The following ZNF843 variants were observed in gnomAD, a reference collection of about 807,000 sequenced individuals.
ZNF843 encodes the protein zinc finger protein 843.
For missense variants in ZNF843, 482 were observed against 469.4 expected, an observed-to-expected ratio of 1.03 and a Z score of -0.25; for synonymous variants, 185 against 207.7, an observed-to-expected ratio of 0.89 and a Z score of 0.94.
At position 31,436,619 on chromosome 16, in the gene ZNF843, AG is replaced by A; in HGVS notation, c.230del (p.Pro77LeufsTer338). 1.3e-6 allele frequency: 2 copies of A among 1,551,508 alleles called. No individual in the cohort carries two copies. The highest frequency in any genetic ancestry group is 1.7e-6 in the Non-Finnish European group (2 of 1,146,916). Reference sequence around the variant, plus strand: ...CGAGTGGACTCGCTGGTGCTTGATGAGGTTGGAGCGGCCACAGCAGGTCTTG... The same window carrying A: ...CGAGTGGACTCGCTGGTGCTTGATGAGTTGGAGCGGCCACAGCAGGTCTTG... ...VRQDLLWPLQ[P>X]HQAPASPLGR... On this transcript the variant is annotated frameshift_variant, in exon 2 of 2. Transcript: ENST00000315678. LOFTEE classifies it low-confidence loss of function (END_TRUNC).
chr16:31,436,559 C>T lies in ZNF843; in HGVS notation c.291G>A (p.Gly97=). The change falls in exon 2 of 2, where the codon GGG becomes GGA. Residue 97 remains glycine, a synonymous_variant. Transcript: ENST00000315678. The part of the protein sequence containing the change: ...RSHSSAGVRQ[G]FSGQLCCWLT... ...GCCAGCAGCAGAGCTGGCCGCTAAA[C>T]CCTTGCCGCACTCCCGCAGACGAAT... 3.2e-6 allele frequency: 5 copies of T among 1,550,418 alleles called. No homozygotes were observed. The South Asian group carries it at 4.8e-5, about 15-fold the overall frequency.
In ZNF843 at chr16:31,436,419, G is replaced by A; in HGVS notation, c.431C>T (p.Pro144Leu). The change falls in exon 2 of 2, where the codon CCC becomes CTC. Residue 144 changes from proline (P) to leucine (L), a missense_variant. Pro to Leu is a moderately conservative substitution (Grantham distance 98, BLOSUM62 -3). Transcript: ENST00000315678. ...PPANSHRRVC[P>L]FCCCSCGDSV... ...GTCACCGCAGCTGCAGCAGCAGAAG[G>A]GACACACTCTCCTGTGTGAATTCGC... is the stretch of plus-strand genomic sequence containing the variant. 6.4e-7 allele frequency: 1 copy of A among 1,551,520 alleles called. No homozygotes were observed. Among genetic ancestry groups the A allele is most frequent in the Non-Finnish European group, 8.7e-7 (1 of 1,146,884 alleles).
chr16:31,441,103 A>G (rs1171940301), intron 1 of ZNF843, among the ~76,000 whole-genome samples: 1 of 152,208 alleles, frequency 6.6e-6, no homozygotes, highest in African/African-American at 2.4e-5. Flanking sequence ...GCTGTCAAGC[A>G]TGCTTGTTAC....
In ZNF843 at chr16:31,436,889, A is replaced by G; in HGVS notation, c.-40T>C. On this transcript the variant is annotated 5_prime_UTR_variant, in exon 2 of 2. Coordinates refer to ENST00000315678, the MANE Select transcript of ZNF843 (RefSeq NM_001136509.3). ...AGATGACCGCTCAGGGAGTAACTGTACGGGAGGCTTTGCCGCACTTGGCGC... is the reference window on the plus strand; with the variant it reads ...AGATGACCGCTCAGGGAGTAACTGTGCGGGAGGCTTTGCCGCACTTGGCGC... The G allele has an allele frequency of 6.8e-7, 1 of 1,463,786 alleles. No individual in the cohort carries two copies. The highest frequency in any genetic ancestry group is 9.1e-7 in the Non-Finnish European group (1 of 1,101,216). 90.7% of individuals were successfully genotyped at this position (1,463,786 alleles called of 1,614,324 possible). A position where few individuals can be genotyped will look rare whatever the true frequency, so the allele number is the denominator to read the frequency against.
At position 31,435,798 on chromosome 16, in the gene ZNF843, G is replaced by A. The variant is rs1413982850; in HGVS notation, c.*5C>T. ...TTCCACCCAGGGCTGCAGCACGCTG[G>A]TTCTTCAGTGTCGGGCCAGGTTGGA... On this transcript the variant is annotated 3_prime_UTR_variant, in exon 2 of 2. Coordinates refer to ENST00000315678, the MANE Select transcript of ZNF843 (RefSeq NM_001136509.3). The A allele has an allele frequency of 1.9e-5, 28 of 1,449,250 alleles. No individual in the cohort carries two copies. Among genetic ancestry groups the A allele is most frequent in the Non-Finnish European group, 2.5e-5 (27 of 1,097,440 alleles). The allele number at this position is 1,449,250 out of a possible 1,614,324, so 89.8% of individuals were successfully genotyped here.
chr16:31,435,672 T>G lies in ZNF843; in HGVS notation c.*131A>C. ...AAACAAACAAAATAGCCCCCAGCACTTCTGAGAAAGATCTGCCATACAGAA... is the reference window on the plus strand; with the variant it reads ...AAACAAACAAAATAGCCCCCAGCACGTCTGAGAAAGATCTGCCATACAGAA... On this transcript the variant is annotated 3_prime_UTR_variant, in exon 2 of 2. Coordinates refer to ENST00000315678, the MANE Select transcript of ZNF843 (RefSeq NM_001136509.3). The G allele has an allele frequency of 1.2e-6, 1 of 866,106 alleles. No individual in the cohort carries two copies. Among genetic ancestry groups the G allele is most frequent in the Non-Finnish European group, 1.7e-6 (1 of 604,552 alleles). 53.7% of individuals were successfully genotyped at this position (866,106 alleles called of 1,614,324 possible).
rs1597180345 is a variant in ZNF843, at chr16:31,436,800, G to A, written c.50C>T (p.Ala17Val). 6.4e-7 allele frequency: 1 copy of A among 1,551,402 alleles called. No individual in the cohort carries two copies. The highest frequency in any genetic ancestry group is 8.7e-7 in the Non-Finnish European group (1 of 1,146,820). Residue 17 changes from alanine (A) to valine (V), a missense_variant, in exon 2 of 2, where the codon GCT becomes GTT. By Grantham distance (64) the Ala-to-Val change is moderately conservative. Transcript: ENST00000315678. ...ALTVESVSAR[A>V]PTCCSTGRFT... is the part of the protein sequence containing the mutation. ...TCTGCCGGTGCTGCAGCAGGTAGGA[G>A]CTCTGGCTGAAACGCTTTCCACAGT...
In ZNF843 at chr16:31,436,558, A is replaced by G. The variant is rs1463817819; in HGVS notation, c.292T>C (p.Phe98Leu). The G allele has an allele frequency of 5.2e-6, 8 of 1,550,164 alleles. No individual in the cohort carries two copies. The highest frequency in any genetic ancestry group is 7.0e-6 in the Non-Finnish European group (8 of 1,146,054). Reference protein sequence around the residue: ...SHSSAGVRQGFSGQLCCWLTK... With the variant: ...SHSSAGVRQGLSGQLCCWLTK... Reference sequence around the variant, plus strand: ...AGCCAGCAGCAGAGCTGGCCGCTAAACCCTTGCCGCACTCCCGCAGACGAA... The same window carrying G: ...AGCCAGCAGCAGAGCTGGCCGCTAAGCCCTTGCCGCACTCCCGCAGACGAA... The change falls in exon 2 of 2, where the codon TTT becomes CTT. Residue 98 changes from phenylalanine (F) to leucine (L), a missense_variant. By Grantham distance (22) the Phe-to-Leu change is conservative. Coordinates refer to ENST00000315678, the MANE Select transcript of ZNF843 (RefSeq NM_001136509.3).
intron 1 of ZNF843, among the ~76,000 whole-genome samples, chr16:31,441,063 C>T (rs983040472): frequency 6.6e-6 from 1 of 152,210 alleles, no homozygotes; most frequent in African/African-American, 2.4e-5. Flanking sequence ...TTTGATTCCC[C>T]TCTCTTCCAA....
At chr16:31,440,243 C>A (rs547551075) in intron 1 of ZNF843, among the ~76,000 whole-genome samples, 1 of 152,332 alleles carries the variant, frequency 6.6e-6, no homozygotes, top group African/African-American at 2.4e-5. Flanking sequence ...CAATACTTCT[C>A]ATTAGGACAA....
At chr16:31,438,533 C>T (rs907378155) in intron 1 of ZNF843, among the ~76,000 whole-genome samples, 3 of 151,988 alleles carry the variant, frequency 2.0e-5, no homozygotes, top group Non-Finnish European at 4.4e-5. Context: ...ATGCTTCTGG[C>T]CACTCTGAGC....
Position 31,435,854 on chromosome 16 carries a change from CA to C in ZNF843, c.995del (p.Val332GlyfsTer83). 6.7e-7 allele frequency: 1 copy of C among 1,494,946 alleles called. No homozygotes were observed. Among genetic ancestry groups the C allele is most frequent in the Non-Finnish European group, 8.9e-7 (1 of 1,119,096 alleles). The allele number at this position is 1,494,946 out of a possible 1,614,324, so 92.6% of individuals were successfully genotyped here. ...SNPHWRGALP[V>X]FPVWKASSRR... ...GGCTGGAGGCCTTCCACACCGGAAA[CA>C]CTGGTAGGGCTCCTCTCCAGTGTGG... On this transcript the variant is annotated frameshift_variant, in exon 2 of 2. Coordinates refer to ENST00000315678, the MANE Select transcript of ZNF843 (RefSeq NM_001136509.3). LOFTEE classifies it low-confidence loss of function (END_TRUNC).
rs2082180417 is a variant in ZNF843, at chr16:31,436,280, CG to C, written c.569del (p.Pro190ArgfsTer225). On this transcript the variant is annotated frameshift_variant, in exon 2 of 2. Coordinates refer to ENST00000315678, the MANE Select transcript of ZNF843 (RefSeq NM_001136509.3). LOFTEE classifies it low-confidence loss of function (END_TRUNC). ...AGGGCCGGAGCCCAGAGGTGCTGTC[CG>C]GGGCGACTGAGCTGGGTGCGAGGCT... ...SVSLAPSSVA[P>X]DSTSGLRPCG... 6.5e-7 allele frequency: 1 copy of C among 1,548,870 alleles called. No homozygotes were observed. Among genetic ancestry groups the C allele is most frequent in the Non-Finnish European group, 8.7e-7 (1 of 1,145,580 alleles).
At chr16:31,440,686 A>G (rs545692149) in intron 1 of ZNF843, among the ~76,000 whole-genome samples, 249 of 152,276 alleles carry the variant, frequency 1.6e-3, no homozygotes, top group African/African-American at 5.7e-3. Flanking sequence ...GCTGCCCCAT[A>G]TAAGAAAGGG....
rs2082176423 is a variant in ZNF843, at chr16:31,435,779, C to T, written c.*24G>A. Reference sequence around the variant, plus strand: ...CCACCGGCGGCTGCAACAATTCCACCCAGGGCTGCAGCACGCTGGTTCTTC... The same window carrying T: ...CCACCGGCGGCTGCAACAATTCCACTCAGGGCTGCAGCACGCTGGTTCTTC... On this transcript the variant is annotated 3_prime_UTR_variant, in exon 2 of 2. Transcript: ENST00000315678. 1 of 1,443,014 alleles carries T rather than the reference C, an allele frequency of 6.9e-7. No homozygotes were observed. The highest frequency in any genetic ancestry group is 1.5e-5 in the South Asian group (1 of 67,348). The allele number at this position is 1,443,014 out of a possible 1,614,324, so 89.4% of individuals were successfully genotyped here. A position where few individuals can be genotyped will look rare whatever the true frequency, so the allele number is the denominator to read the frequency against.
Position 31,436,569 on chromosome 16 carries a change from A to T in ZNF843, c.281T>A (p.Val94Glu). Residue 94 changes from valine to glutamate, a missense_variant, in exon 2 of 2, where the codon GTG (valine) becomes GAG (glutamate). Val to Glu is a moderately radical substitution (Grantham distance 121, BLOSUM62 -2). Transcript: ENST00000315678. ...PLGRSHSSAG[V>E]RQGFSGQLCC... ...GAGCTGGCCGCTAAACCCTTGCCGC[A>T]CTCCCGCAGACGAATGGCTTCTCCC... 1 of 1,550,212 alleles carries T rather than the reference A, an allele frequency of 6.5e-7. No homozygotes were observed. The highest frequency in any genetic ancestry group is 1.2e-5 in the South Asian group (1 of 83,986).
At chr16:31,442,126 C>A (rs1482329641) in intron 1 of ZNF843, among the ~76,000 whole-genome samples, 2 of 152,300 alleles carry the variant, frequency 1.3e-5, no homozygotes, top group African/African-American at 4.8e-5. Flanking sequence ...GGGTGGACGG[C>A]CGGCCGCAAA....
At position 31,436,890 on chromosome 16, in the gene ZNF843, C is replaced by A. The variant is rs1238417742; in HGVS notation, c.-41G>T. ...GATGACCGCTCAGGGAGTAACTGTA[C>A]GGGAGGCTTTGCCGCACTTGGCGCA... On this transcript the variant is annotated 5_prime_UTR_variant, in exon 2 of 2. Transcript: ENST00000315678. 4 of 1,463,026 alleles carry A rather than the reference C, an allele frequency of 2.7e-6. No homozygotes were observed. Among genetic ancestry groups the A allele is most frequent in the African/African-American group, 2.8e-5 (2 of 70,492 alleles). 90.6% of individuals were successfully genotyped at this position (1,463,026 alleles called of 1,614,324 possible). A position where few individuals can be genotyped will look rare whatever the true frequency, so the allele number is the denominator to read the frequency against.
chr16:31,440,875 G>C (rs2082198952), intron 1 of ZNF843, among the ~76,000 whole-genome samples: 1 of 152,204 alleles, frequency 6.6e-6, no homozygotes, highest in Admixed American at 6.5e-5. Context: ...ACCGAAATCA[G>C]TCCTTGTGCC....
Sources: gnomAD v4.1 joint callset for allele counts (sites outside exome capture counted in the v4.1 genomes callset) on GRCh38, gnomAD v4.1.1 for gene constraint, MANE v1.5 for transcripts, NCBI Gene and HGNC (gene_info 2026-07-23, HGNC 2026-07-21) for gene names.